ROBO2: variants seen among roughly 807,000 people sequenced by gnomAD.
ROBO2 encodes roundabout guidance receptor 2, also known as roundabout homolog 2.
In ROBO2, 53 loss-of-function variants were observed where a neutral mutation model predicts 160.8. The observed-to-expected ratio is 0.33, with a 90% CI of 0.26 to 0.41. The LOEUF (loss-of-function observed/expected upper bound fraction) is 0.41, where lower values mean the gene tolerates loss of function less well. Among genes scored for constraint, ROBO2 ranks in the 10% least tolerant of loss-of-function variants. ROBO2 has a pLI of 1.00. For synonymous variants in ROBO2, 664 were observed against 611.7 expected (o/e 1.09, Z -1.26); for missense variants, 1,577 against 1,722.4 (o/e 0.92, Z 1.49).
At chr3:77,345,833 T>G (rs572293202) in intron 2 of ROBO2, among the ~76,000 whole-genome samples, 1 of 152,288 alleles carries the variant, frequency 6.6e-6, no homozygotes, top group Non-Finnish European at 1.5e-5. Context: ...GTAATAATCT[T>G]TTAAACCCAT....
intron 5 of ROBO2, among the ~76,000 whole-genome samples, chr3:77,505,197 G>C (rs940814412): frequency 1.1e-4 from 16 of 152,174 alleles, no homozygotes; most frequent in Non-Finnish European, 2.2e-4. Context: ...CTTTCATGTA[G>C]AGTAGCTTGG....
chr3:77,291,738 A>C (rs1472755166), intron 2 of ROBO2, among the ~76,000 whole-genome samples: 1 of 151,972 alleles, frequency 6.6e-6, no homozygotes, highest in Non-Finnish European at 1.5e-5. Flanking sequence ...TTAAACGGGT[A>C]AGCTGAGGCT....
intron 6 of ROBO2, 85 bp from the exon 8 acceptor site, chr3:77,546,253 C>A: frequency 6.9e-7 from 1 of 1,451,322 alleles, no homozygotes; most frequent in Non-Finnish European, 9.6e-7. Flanking sequence ...ACTGAACAGT[C>A]AACATAGTAC....
intron 2 of ROBO2, among the ~76,000 whole-genome samples, chr3:77,031,854 C>T (rs762763228): frequency 6.6e-6 from 1 of 151,756 alleles, no homozygotes; most frequent in Non-Finnish European, 1.5e-5. Flanking sequence ...ATACCACAAA[C>T]TGGATGGATT....
intron 2 of ROBO2, among the ~76,000 whole-genome samples, chr3:76,202,327 G>T (rs771339087): frequency 1.3e-5 from 2 of 152,132 alleles, no homozygotes; most frequent in African/African-American, 4.8e-5. Flanking sequence ...TTGTTTAAAA[G>T]CAAGGAGGAT....
intron 2 of ROBO2, among the ~76,000 whole-genome samples, chr3:76,477,111 C>A (rs2107227139): frequency 6.6e-6 from 1 of 152,168 alleles, no homozygotes; most frequent in African/African-American, 2.4e-5. Context: ...GAAAATAAAC[C>A]ACAGGAATCA....
At chr3:76,321,167 T>G (rs2072490131) in intron 2 of ROBO2, among the ~76,000 whole-genome samples, 5 of 152,002 alleles carry the variant, frequency 3.3e-5, no homozygotes, top group Admixed American at 3.3e-4. Flanking sequence ...TAGAGCAATA[T>G]AAAAGGAAAA....
intron 2 of ROBO2, among the ~76,000 whole-genome samples, chr3:76,555,358 G>GAAGAAGAAGAAGAAGA (rs1553799308): frequency 1.7e-5 from 1 of 57,932 alleles, no homozygotes; most frequent in Non-Finnish European, 3.8e-5. Flanking sequence ...AGTAGGAAGA[G>GAAGAAGAAGAAGAAGA]AGAAGAAGAA....
At chr3:76,409,613 G>T (rs1275894402) in intron 2 of ROBO2, among the ~76,000 whole-genome samples, 1 of 152,012 alleles carries the variant, frequency 6.6e-6, no homozygotes, top group African/African-American at 2.4e-5. Flanking sequence ...GGAGGAACAG[G>T]TGCAGTAACT....
intron 2 of ROBO2, among the ~76,000 whole-genome samples, chr3:75,941,123 A>G (rs1948035318): frequency 1.3e-5 from 2 of 151,856 alleles, no homozygotes; most frequent in Non-Finnish European, 2.9e-5. Flanking sequence ...ATTTCATTTC[A>G]TTTCATTTCA....
At position 77,205,802 on chromosome 3, in the gene ROBO2, C is replaced by G. The variant is rs1334172832; in HGVS notation, c.388+107462C>G. ...GAACTCACTTTGAGTGAAGATAAGG[C>G]AAATATTGAAATATATAGAAAGGTT... On this transcript the variant is annotated intron_variant, in intron 2 of 25. Transcript: ENST00000461745. 4.6e-5 allele frequency among the ~76,000 whole-genome samples: 7 copies of G among 152,078 alleles called. No homozygotes were observed. The East Asian group carries it at 1.4e-3, about 29-fold the overall frequency.
At chr3:76,316,172 G>A (rs889534755) in intron 2 of ROBO2, among the ~76,000 whole-genome samples, 1 of 152,232 alleles carries the variant, frequency 6.6e-6, no homozygotes, top group Non-Finnish European at 1.5e-5. Context: ...AACAGGGTTC[G>A]AGAGCAGAGA....
intron 2 of ROBO2, among the ~76,000 whole-genome samples, chr3:76,767,357 G>A (rs2061630033): frequency 6.6e-6 from 1 of 151,552 alleles, no homozygotes; most frequent in African/African-American, 2.4e-5. Flanking sequence ...GGGTTAGCCT[G>A]CCAGGATTCA....
intron 2 of ROBO2, among the ~76,000 whole-genome samples, chr3:76,833,619 A>T (rs1437727330): frequency 6.6e-6 from 1 of 152,198 alleles, no homozygotes; most frequent in Admixed American, 6.6e-5. Context: ...CTAACATAGA[A>T]TGTTGTTATC....
At chr3:77,151,395 A>C (rs754274111) in intron 2 of ROBO2, among the ~76,000 whole-genome samples, 2 of 152,118 alleles carry the variant, frequency 1.3e-5, no homozygotes, top group Non-Finnish European at 2.9e-5. Context: ...CTTAAGGGAG[A>C]TGAAGTTTAT....
intron 2 of ROBO2, among the ~76,000 whole-genome samples, chr3:76,567,287 C>T (rs559029202): frequency 1.4e-4 from 21 of 152,136 alleles, no homozygotes; most frequent in African/African-American, 4.8e-4. Context: ...GGTTTACTTA[C>T]GAGCATTCTA....
At chr3:76,988,176 T>G (rs767332437) in intron 2 of ROBO2, among the ~76,000 whole-genome samples, 2 of 152,170 alleles carry the variant, frequency 1.3e-5, no homozygotes, top group Non-Finnish European at 2.9e-5. Flanking sequence ...GATGTACTCA[T>G]TTTTATTAAC....
At chr3:76,826,546 G>GTA (rs1333386133) in intron 2 of ROBO2, among the ~76,000 whole-genome samples, 1 of 152,196 alleles carries the variant, frequency 6.6e-6, no homozygotes, top group Admixed American at 6.6e-5. Flanking sequence ...AGCTTGGGAG[G>GTA]TATGGCCCCG....
At chr3:76,852,072 A>G (rs1432146715) in intron 2 of ROBO2, among the ~76,000 whole-genome samples, 5 of 152,168 alleles carry the variant, frequency 3.3e-5, no homozygotes, top group African/African-American at 1.2e-4. Context: ...ATCTCCAGCT[A>G]TACAATCAAA....
Sources: gnomAD v4.1 joint callset for allele counts (sites outside exome capture counted in the v4.1 genomes callset) on GRCh38, gnomAD v4.1.1 for gene constraint, MANE v1.5 for transcripts, NCBI Gene and HGNC (gene_info 2026-07-23, HGNC 2026-07-21) for gene names.